Variants in C14orf119 observed in about 807,000 individuals in gnomAD.
C14orf119 encodes the protein chromosome 14 open reading frame 119.
C14orf119 carries 17 observed loss-of-function variants against 13.5 expected under a neutral mutation model. That is an observed-to-expected ratio of 1.26 (90% confidence interval 0.86 to 1.88). C14orf119 has a LOEUF of 1.88. Among genes scored for constraint, C14orf119 ranks in the 40% most tolerant of loss-of-function variants. The probability of loss-of-function intolerance (pLI) is 0.00; values close to 1 mark genes in which losing one functional copy is unlikely to be tolerated. For synonymous variants in C14orf119, 61 were observed against 61.9 expected (o/e 0.99, Z 0.07); for missense variants, 162 against 165.9 (o/e 0.98, Z 0.13).
rs2140278568 is a variant in C14orf119, at chr14:23,098,388, ATTGTAACTC to A, written c.*308_*316del. On this transcript the variant is annotated 3_prime_UTR_variant, in exon 2 of 2. Transcript: ENST00000319074. ...AGCTATAACCACAAGGAACCTACAC[ATTGTAACTC>A]AAGTCCACTGCTGGCTCATGAAATG... 3.2e-6 allele frequency: 1 copy of A among 307,970 alleles called. No individual in the cohort carries two copies. The highest frequency in any genetic ancestry group is 2.1e-5 in the African/African-American group (1 of 47,630). 19.1% of individuals were successfully genotyped at this position (307,970 alleles called of 1,614,324 possible).
In C14orf119 at chr14:23,100,140, G is replaced by A. The variant is rs1228223969; in HGVS notation, c.*2059G>A. On this transcript the variant is annotated 3_prime_UTR_variant, in exon 2 of 2. Transcript: ENST00000319074. ...ATGGTGGTGTGCACCTGTAGTCCCAGCTACTTGGGAAGCTGAGGTGGGGGA... is the reference window on the plus strand; with the variant it reads ...ATGGTGGTGTGCACCTGTAGTCCCAACTACTTGGGAAGCTGAGGTGGGGGA... The A allele has an allele frequency of 1.7e-5, 3 of 173,764 alleles. No individual in the cohort carries two copies. The highest frequency in any genetic ancestry group is 3.7e-5 in the Non-Finnish European group (3 of 80,940). The allele number at this position is 173,764 out of a possible 1,614,324, so 10.8% of individuals were successfully genotyped here.
intron 1 of C14orf119, among the ~76,000 whole-genome samples, chr14:23,096,788 G>A (rs1467339498): frequency 6.6e-6 from 1 of 151,958 alleles, no homozygotes; most frequent in Non-Finnish European, 1.5e-5. Flanking sequence ...TGTTGCCCAG[G>A]CTGGTCTCGA....
chr14:23,096,606 C>T (rs1417279976), intron 1 of C14orf119, among the ~76,000 whole-genome samples: 1 of 151,466 alleles, frequency 6.6e-6, no homozygotes, highest in African/African-American at 2.4e-5. Context: ...CTCTGGGTCC[C>T]TCCACTCTGA....
intron 1 of C14orf119, among the ~76,000 whole-genome samples, chr14:23,095,823 A>G (rs1042954542): frequency 6.6e-6 from 1 of 152,172 alleles, no homozygotes; most frequent in Non-Finnish European, 1.5e-5. Flanking sequence ...GGGGGTGCGC[A>G]AGAAGCATCG....
In C14orf119 at chr14:23,098,221, A is replaced by G. The variant is rs562058012; in HGVS notation, c.*140A>G. The G allele has an allele frequency of 8.7e-5, 71 of 816,768 alleles. 1 individual carries two copies. The South Asian group carries it at 1.1e-3, about 13-fold the overall frequency. The allele number at this position is 816,768 out of a possible 1,614,324, so 50.6% of individuals were successfully genotyped here. On this transcript the variant is annotated 3_prime_UTR_variant, in exon 2 of 2. Coordinates refer to ENST00000319074, the MANE Select transcript of C14orf119 (RefSeq NM_017924.4). ...ACCGAACTCACTGACCAGTACAGGC[A>G]TGGTTATTTCAACATTAATAGCATG...
At position 23,098,674 on chromosome 14, in the gene C14orf119, A is replaced by T. The variant is rs1053842900; in HGVS notation, c.*593A>T. 237 of 164,738 alleles carry T rather than the reference A, an allele frequency of 1.4e-3. No homozygotes were observed. The highest frequency in any genetic ancestry group is 2.3e-3 in the African/African-American group (89 of 39,442). The allele number at this position is 164,738 out of a possible 1,614,324, so 10.2% of individuals were successfully genotyped here. A position where few individuals can be genotyped will look rare whatever the true frequency, so the allele number is the denominator to read the frequency against. ...CTCGCGGTGACTTTTTTTTTTTTTTAAAAACATGGGTTGTCACTTAAGTTT... is the reference window on the plus strand; with the variant it reads ...CTCGCGGTGACTTTTTTTTTTTTTTTAAAACATGGGTTGTCACTTAAGTTT... On this transcript the variant is annotated 3_prime_UTR_variant, in exon 2 of 2. Transcript: ENST00000319074.
chr14:23,097,899 A>C lies in C14orf119; in HGVS notation c.241A>C (p.Ser81Arg). ...ACTGCTGGATAGTCTGGAGCAGCTTAGTGTGTCTGGGGCAGACCGACCACC... is the reference window on the plus strand; with the variant it reads ...ACTGCTGGATAGTCTGGAGCAGCTTCGTGTGTCTGGGGCAGACCGACCACC... ...QPLLDSLEQL[S>R]VSGADRPPSI... The change falls in exon 2 of 2, where the codon AGT becomes CGT. Residue 81 changes from serine (S) to arginine (R), a missense_variant. Physicochemically the swap from Ser to Arg is moderately radical, Grantham distance 110. Coordinates refer to ENST00000319074, the MANE Select transcript of C14orf119 (RefSeq NM_017924.4). 6.2e-7 allele frequency: 1 copy of C among 1,614,164 alleles called. No homozygotes were observed. The highest frequency in any genetic ancestry group is 8.5e-7 in the Non-Finnish European group (1 of 1,179,982).
chr14:23,098,073 A>G lies in C14orf119; in HGVS notation c.415A>G (p.Lys139Glu). Residue 139 changes from lysine to glutamate, a missense_variant, in exon 2 of 2, where the codon AAG becomes GAG. By Grantham distance (56) the Lys-to-Glu change is moderately conservative (BLOSUM62 1). Coordinates refer to ENST00000319074, the MANE Select transcript of C14orf119 (RefSeq NM_017924.4). ...CCAAGCAGTGGCTGCTACAGCTGGTAAGGACTGATAGGCATTCAGACCAAA... is the reference window on the plus strand; with the variant it reads ...CCAAGCAGTGGCTGCTACAGCTGGTGAGGACTGATAGGCATTCAGACCAAA... ...FYQAVAATAG[K>E]D The G allele has an allele frequency of 3.1e-6, 5 of 1,613,214 alleles. No individual in the cohort carries two copies. The highest frequency in any genetic ancestry group is 3.4e-6 in the Non-Finnish European group (4 of 1,179,590).
chr14:23,095,629 G>A lies in C14orf119; in HGVS notation c.-2+10G>A. The stretch of plus-strand genomic sequence containing the variant: ...CGAGAGAAAAGGGGAGGTAAGCGGG[G>A]TAGAAGTACCTCTATGGGCCGGGTC... On this transcript the variant is annotated intron_variant, in intron 1 of 1. Transcript: ENST00000319074. 1 of 299,140 alleles carries A rather than the reference G, an allele frequency of 3.3e-6. No homozygotes were observed. Among genetic ancestry groups the A allele is most frequent in the African/African-American group, 2.2e-5 (1 of 46,448 alleles). 18.5% of individuals were successfully genotyped at this position (299,140 alleles called of 1,614,324 possible). A position where few individuals can be genotyped will look rare whatever the true frequency, so the allele number is the denominator to read the frequency against.
Position 23,095,528 on chromosome 14 carries a change from T to C in C14orf119, c.-93T>C, listed in dbSNP as rs571099345. The C allele has an allele frequency of 6.0e-4, 319 of 529,950 alleles. No homozygotes were observed. In the East Asian group the frequency reaches 9.8e-3, roughly 16 times the overall value. The allele number at this position is 529,950 out of a possible 1,614,324, so 32.8% of individuals were successfully genotyped here. A position where few individuals can be genotyped will look rare whatever the true frequency, so the allele number is the denominator to read the frequency against. Reference sequence around the variant, plus strand: ...GCGTGGGCTGCCGGGCTGGCCCAGCTTAGGGTTTTCAGGAAATTTGGAAGC... The same window carrying C: ...GCGTGGGCTGCCGGGCTGGCCCAGCCTAGGGTTTTCAGGAAATTTGGAAGC... On this transcript the variant is annotated 5_prime_UTR_variant, in exon 1 of 2. Coordinates refer to ENST00000319074, the MANE Select transcript of C14orf119 (RefSeq NM_017924.4).
At chr14:23,096,638 G>A (rs1049169076) in intron 1 of C14orf119, among the ~76,000 whole-genome samples, 3 of 150,638 alleles carry the variant, frequency 2.0e-5, no homozygotes, top group Middle Eastern at 3.4e-3. Flanking sequence ...GTGCAGTGGC[G>A]CGATCAGGGC....
chr14:23,100,396 C>T lies in C14orf119; in HGVS notation c.*2315C>T, dbSNP rs985029651. ...TGTTAGGGATCTTTGTTCTCTGAAA[C>T]GCAACCCTGTCTAGGACAATATACA... On this transcript the variant is annotated 3_prime_UTR_variant, in exon 2 of 2. Coordinates refer to ENST00000319074, the MANE Select transcript of C14orf119 (RefSeq NM_017924.4). 2.7e-5 allele frequency: 11 copies of T among 412,072 alleles called. No homozygotes were observed. The highest frequency in any genetic ancestry group is 6.2e-4 in the Middle Eastern group (1 of 1,610). 25.5% of individuals were successfully genotyped at this position (412,072 alleles called of 1,614,324 possible). A position where few individuals can be genotyped will look rare whatever the true frequency, so the allele number is the denominator to read the frequency against.
rs3742485 is a variant in C14orf119 at position 23,099,077 on chromosome 14, A to G, written c.*996A>G. The G allele has an allele frequency of 0.22, 85,385 of 389,826 alleles. 9,715 individuals carry two copies. The highest frequency in any genetic ancestry group is 0.31 in the African/African-American group (15,057 of 48,234). 24.1% of individuals were successfully genotyped at this position (389,826 alleles called of 1,614,324 possible). On this transcript the variant is annotated 3_prime_UTR_variant, in exon 2 of 2. Coordinates refer to ENST00000319074, the MANE Select transcript of C14orf119 (RefSeq NM_017924.4). ...TAAGTGACAATTTACAGGTTGAACA[A>G]TTTATTTTTGTACCAAAATAAAGAA...
chr14:23,097,591 T>A, intron 1 of C14orf119, 67 bp from the exon 2 acceptor site: 1 of 1,423,188 alleles, frequency 7.0e-7, no homozygotes, highest in Non-Finnish European at 9.8e-7. Flanking sequence ...TAAGATGTCT[T>A]GTTGCTTGAA....
At chr14:23,096,727 C>A (rs999936301) in intron 1 of C14orf119, among the ~76,000 whole-genome samples, 1 of 151,912 alleles carries the variant, frequency 6.6e-6, no homozygotes, top group Non-Finnish European at 1.5e-5. Flanking sequence ...CAGGTAGGCA[C>A]CTCTACGCTC....
In C14orf119 at chr14:23,098,171, C is replaced by G. The variant is rs112208206; in HGVS notation, c.*90C>G. The G allele has an allele frequency of 2.1e-6, 3 of 1,415,050 alleles. No homozygotes were observed. In the African/African-American group the frequency reaches 4.3e-5, roughly 20 times the overall value. 87.7% of individuals were successfully genotyped at this position (1,415,050 alleles called of 1,614,324 possible). ...CAATTCAAATGTGTCGCCTAAAGCT[C>G]TGGAACTGGTATTCCAACCAGCTGA... On this transcript the variant is annotated 3_prime_UTR_variant, in exon 2 of 2. Coordinates refer to ENST00000319074, the MANE Select transcript of C14orf119 (RefSeq NM_017924.4).
chr14:23,098,324 G>C lies in C14orf119; in HGVS notation c.*243G>C. On this transcript the variant is annotated 3_prime_UTR_variant, in exon 2 of 2. Transcript: ENST00000319074. ...AGTCTACTAGTTTGCTTCTTTCCGA[G>C]AGATGTCAAGTCCTCAAGAATTTGA... is the stretch of plus-strand genomic sequence containing the variant. 2.1e-6 allele frequency: 1 copy of C among 477,328 alleles called. No individual in the cohort carries two copies. Among genetic ancestry groups the C allele is most frequent in the South Asian group, 2.9e-5 (1 of 34,336 alleles). 29.6% of individuals were successfully genotyped at this position (477,328 alleles called of 1,614,324 possible). A position where few individuals can be genotyped will look rare whatever the true frequency, so the allele number is the denominator to read the frequency against.
chr14:23,098,851 C>A lies in C14orf119; in HGVS notation c.*770C>A, dbSNP rs1411055476. On this transcript the variant is annotated 3_prime_UTR_variant, in exon 2 of 2. Coordinates refer to ENST00000319074, the MANE Select transcript of C14orf119 (RefSeq NM_017924.4). ...TAATTTTTAAATTATTCTGTAGATA[C>A]AGGGGTCATGCTACGTTTTCTAGTC... 6.1e-6 allele frequency: 1 copy of A among 162,998 alleles called. No homozygotes were observed. The highest frequency in any genetic ancestry group is 2.4e-5 in the African/African-American group (1 of 41,398). The allele number at this position is 162,998 out of a possible 1,614,324, so 10.1% of individuals were successfully genotyped here. A position where few individuals can be genotyped will look rare whatever the true frequency, so the allele number is the denominator to read the frequency against.
chr14:23,095,695 C>G (rs890556658), intron 1 of C14orf119, 76 bp downstream of exon 1: 28 of 178,140 alleles, frequency 1.6e-4, no homozygotes, highest in African/African-American at 5.4e-4. Flanking sequence ...GGCAAGCCCC[C>G]CACTCCTTAA....
Sources: gnomAD v4.1 joint callset for allele counts (sites outside exome capture counted in the v4.1 genomes callset) on GRCh38, gnomAD v4.1.1 for gene constraint, MANE v1.5 for transcripts, NCBI Gene and HGNC (gene_info 2026-07-23, HGNC 2026-07-21) for gene names.